The following LRP4 variants were observed in gnomAD, a reference collection of about 807,000 sequenced individuals.
The protein encoded by LRP4 is LDL receptor related protein 4.
In LRP4, 95 loss-of-function variants were observed where a neutral mutation model predicts 220.3. The ratio of observed to expected loss-of-function variants is 0.43; its 90% CI spans 0.37 to 0.51. The LOEUF is 0.51. Among genes scored for constraint, LRP4 ranks in the 20% least tolerant of loss-of-function variants. The pLI is 0.00. For synonymous variants in LRP4, 903 were observed against 954.6 expected, an observed-to-expected ratio of 0.95 and a Z score of 1.00; for missense variants, 1,925 against 2,567.0, an observed-to-expected ratio of 0.75 and a Z score of 5.40.
chr11:46,881,589 G>A, intron 20 of LRP4, 113 bp downstream of exon 20: 2 of 1,023,900 alleles, frequency 2.0e-6, no homozygotes, highest in Non-Finnish European at 3.1e-6. Context: ...ATAACCTCCA[G>A]ATCCCCTTAT....
Position 46,879,273 on chromosome 11 carries a change from G to T in LRP4, c.2857C>A (p.Leu953Ile). 1 of 1,614,202 alleles carries T rather than the reference G, an allele frequency of 6.2e-7. No individual in the cohort carries two copies. Reference protein sequence around the residue: ...SQLPHPFGLTLYGERIYWTDW... With the variant: ...SQLPHPFGLTIYGERIYWTDW... ...GTCCAATAGATGCGCTCTCCATAGA[G>T]GGTCAGCCCAAATGGGTGGGGGAGC... Residue 953 changes from leucine to isoleucine, a missense_variant, in exon 21 of 38, where the codon CTC becomes ATC. By Grantham distance (5) the Leu-to-Ile change is conservative. Coordinates refer to ENST00000378623, the MANE Select transcript of LRP4 (RefSeq NM_002334.4).
intron 22 of LRP4, among the ~76,000 whole-genome samples, chr11:46,878,240 T>C (rs1372847448): frequency 2.0e-5 from 3 of 151,948 alleles, no homozygotes; most frequent in Admixed American, 2.0e-4. Context: ...ACATTTCTGT[T>C]TTTATTATAC....
intron 22 of LRP4, among the ~76,000 whole-genome samples, 159 bp downstream of exon 22, chr11:46,878,748 G>A (rs1343155085): frequency 1.3e-5 from 2 of 152,030 alleles, no homozygotes; most frequent in Non-Finnish European, 2.9e-5. Context: ...CCCCAGGCCC[G>A]TCCCCTTTTC....
intron 13 of LRP4, among the ~76,000 whole-genome samples, chr11:46,891,217 G>A (rs1344073510): frequency 2.0e-5 from 3 of 151,926 alleles, no homozygotes; most frequent in Non-Finnish European, 2.9e-5. Context: ...GGACCCAAGT[G>A]ATTCTCCTGC....
chr11:46,903,000 T>C (rs550786770), intron 1 of LRP4, 71 bp from the exon 2 acceptor site: 6 of 1,584,668 alleles, frequency 3.8e-6, no homozygotes, highest in Non-Finnish European at 5.2e-6. Flanking sequence ...GAGGGGAAAG[T>C]AGAGGAGCCT....
Position 46,873,421 on chromosome 11 carries a change from T to C in LRP4, c.4402A>G (p.Asn1468Asp). ...DGSCRKVLIN[N>D]SLDEPRAIAV... ...ATGGCCCGGGGCTCATCCAGGCTAT[T>C]GTTGATCAGTACTTTGCGGCAGGAA... The change falls in exon 29 of 38, where the codon AAT (asparagine) becomes GAT (aspartate). Residue 1468 changes from asparagine (N) to aspartate (D), a missense_variant. By Grantham distance (23) the Asn-to-Asp change is conservative. Coordinates refer to ENST00000378623, the MANE Select transcript of LRP4 (RefSeq NM_002334.4). The surrounding 1 kb of genome is among the most constrained non-coding windows in gnomAD (Gnocchi z 4.2). The C allele has an allele frequency of 6.2e-7, 1 of 1,614,194 alleles. No individual in the cohort carries two copies. The highest frequency in any genetic ancestry group is 8.5e-7 in the Non-Finnish European group (1 of 1,180,030).
Position 46,889,875 on chromosome 11 carries a change from T to A in LRP4, c.2092+69A>T. 6 of 1,555,438 alleles carry A rather than the reference T, an allele frequency of 3.9e-6. No individual in the cohort carries two copies. The South Asian group carries it at 6.7e-5, about 17-fold the overall frequency. On this transcript the variant is annotated intron_variant, in intron 15 of 37. Transcript: ENST00000378623. ...ATGGCAACTCTAAGGGGAAGGAAGG[T>A]TCTCAGAGGCACCAGAGGCCACCTC...
chr11:46,913,139 C>T (rs1245958197), intron 1 of LRP4, among the ~76,000 whole-genome samples: 1 of 152,048 alleles, frequency 6.6e-6, no homozygotes, highest in Admixed American at 6.6e-5. Flanking sequence ...TGTCAGGGAG[C>T]GCTAACAGCC....
At chr11:46,864,939 A>G (rs2134766650) in intron 35 of LRP4, among the ~76,000 whole-genome samples, 180 bp downstream of exon 35, 1 of 152,356 alleles carries the variant, frequency 6.6e-6, no homozygotes. Flanking sequence ...TGGCATACGG[A>G]AAGCATACCA....
Position 46,873,994 on chromosome 11 carries a change from TG to T in LRP4, c.4230-402del. On this transcript the variant is annotated intron_variant, in intron 28 of 37. Transcript: ENST00000378623. This position sits in a 1 kb window ranked among gnomAD's most constrained non-coding sequence, Gnocchi z 4.2. ...AAACAATTTTAAATACAAGTAGATA[TG>T]AGGTTTCATTATGTTGCCTAGGCTG... is the stretch of plus-strand genomic sequence containing the variant. 4.6e-6 allele frequency: 1 copy of T among 216,020 alleles called. No individual in the cohort carries two copies. The highest frequency in any genetic ancestry group is 9.3e-6 in the Non-Finnish European group (1 of 107,666). The allele number at this position is 216,020 out of a possible 1,614,324, so 13.4% of individuals were successfully genotyped here.
At chr11:46,870,536 G>A (rs1024335514) in intron 31 of LRP4, among the ~76,000 whole-genome samples, 1 of 152,182 alleles carries the variant, frequency 6.6e-6, no homozygotes, top group Non-Finnish European at 1.5e-5. Flanking sequence ...CGATCCTCCT[G>A]CCTCAGCCTC....
Position 46,896,965 on chromosome 11 carries a change from G to A in LRP4, c.826C>T (p.Arg276Cys), listed in dbSNP as rs557300271. The A allele has an allele frequency of 3.5e-5, 56 of 1,614,182 alleles. No individual in the cohort carries two copies. The highest frequency in any genetic ancestry group is 4.4e-5 in the Non-Finnish European group (52 of 1,180,022). The change falls in exon 8 of 38, where the codon CGC becomes TGC. Residue 276 changes from arginine (R) to cysteine (C), a missense_variant. Physicochemically the swap from Arg to Cys is radical, Grantham distance 180. Coordinates refer to ENST00000378623, the MANE Select transcript of LRP4 (RefSeq NM_002334.4). ...CGGACACAGCGGCCTGAGTGACAGC[G>A]GAACTGTTCTGCCGTACACATGGAG... ...TTSMCTAEQF[R>C]CHSGRCVRLS...
chr11:46,893,974 C>T (rs1204523470), intron 12 of LRP4, among the ~76,000 whole-genome samples: 1 of 151,176 alleles, frequency 6.6e-6, no homozygotes, highest in African/African-American at 2.4e-5. Flanking sequence ...TCACCGCAAC[C>T]TCCACTTCCT....
chr11:46,861,232 T>C (rs561055607), intron 37 of LRP4, among the ~76,000 whole-genome samples: 1 of 152,282 alleles, frequency 6.6e-6, no homozygotes, highest in Non-Finnish European at 1.5e-5. Flanking sequence ...ATTTTTTTTT[T>C]CAAACACCAA....
chr11:46,869,163 A>C (rs976760945), intron 31 of LRP4, 31 bp from the exon 32 acceptor site: 18 of 1,607,536 alleles, frequency 1.1e-5, no homozygotes, highest in Non-Finnish European at 1.5e-5. Flanking sequence ...AAAAACAGTA[A>C]ATATTATTCA....
intron 35 of LRP4, among the ~76,000 whole-genome samples, chr11:46,864,882 A>G (rs1176991728): frequency 1.3e-5 from 2 of 152,242 alleles, no homozygotes; most frequent in Admixed American, 1.3e-4. Flanking sequence ...GTATATATGC[A>G]TGTGCACACA....
At chr11:46,860,269 A>T (rs530699529) in intron 37 of LRP4, among the ~76,000 whole-genome samples, 5 of 151,598 alleles carry the variant, frequency 3.3e-5, no homozygotes, top group African/African-American at 1.2e-4. Context: ...AAAAAAAACT[A>T]AAAAAAAGGA....
intron 12 of LRP4, among the ~76,000 whole-genome samples, chr11:46,893,879 CG>C (rs1483533631): frequency 6.6e-6 from 1 of 151,590 alleles, no homozygotes; most frequent in Non-Finnish European, 1.5e-5. Flanking sequence ...GGATTACAGG[CG>C]TAAGCCACCA....
In LRP4 at chr11:46,898,894, G is replaced by A; in HGVS notation, c.676+10C>T. ...GGCCTCCCCACCTCCCAGCTGGCCA[G>A]AGTACTCACAGCAGTCAGACTCGTC... On this transcript the variant is annotated intron_variant, in intron 6 of 37. Transcript: ENST00000378623. 1.2e-6 allele frequency: 2 copies of A among 1,613,750 alleles called. No individual in the cohort carries two copies. Among genetic ancestry groups the A allele is most frequent in the South Asian group, 1.1e-5 (1 of 91,080 alleles).
Sources: gnomAD v4.1 joint callset for allele counts (sites outside exome capture counted in the v4.1 genomes callset) on GRCh38, gnomAD v4.1.1 for gene constraint, Gnocchi (gnomAD v3.1) non-coding constraint, MANE v1.5 for transcripts, NCBI Gene and HGNC (gene_info 2026-07-23, HGNC 2026-07-21) for gene names.